Variants in SLC9A7 observed in about 807,000 individuals in gnomAD.
The protein encoded by SLC9A7 is sodium/hydrogen exchanger 7.
A neutral mutation model predicts 52.6 loss-of-function variants in SLC9A7; 19 were observed. The observed-to-expected ratio is 0.36, with a 90% CI of 0.25 to 0.53. SLC9A7 has a LOEUF of 0.53. SLC9A7 is among the 20% of genes least tolerant of loss of function. The probability of loss-of-function intolerance (pLI) is 0.91; values close to 1 mark genes in which losing one functional copy is unlikely to be tolerated. For synonymous variants in SLC9A7, 226 were observed against 252.1 expected (o/e 0.90, Z 0.98); for missense variants, 455 against 597.9 (o/e 0.76, Z 2.49).
Position 46,720,448 on chromosome X carries a change from C to T in SLC9A7, c.326-37913G>A, listed in dbSNP as rs756423294. ...CTGCAGTCGTTTCTTAACTATCCCC[C>T]CTGCTTCTCCCCTGATTCCCCAATC... On this transcript the variant is annotated intron_variant, in intron 1 of 16. Transcript: ENST00000616978. 1.7e-4 allele frequency among the ~76,000 whole-genome samples: 19 copies of T among 110,649 alleles called. No individual in the cohort carries two copies. In the East Asian group the frequency reaches 5.4e-3, roughly 31 times the overall value.
chrX:46,688,849 T>TA (rs997342459), intron 1 of SLC9A7, among the ~76,000 whole-genome samples: 48 of 106,079 alleles, frequency 4.5e-4, no homozygotes, highest in African/African-American at 5.4e-4. Flanking sequence ...TATTGAATGG[T>TA]AAAAAAAAAA....
At chrX:46,751,282 G>A (rs1294352221) in intron 1 of SLC9A7, among the ~76,000 whole-genome samples, 2 of 110,766 alleles carry the variant, frequency 1.8e-5, no homozygotes, top group East Asian at 2.8e-4. Flanking sequence ...CCTTGCACTG[G>A]TCCATTACAT....
intron 1 of SLC9A7, among the ~76,000 whole-genome samples, chrX:46,756,311 A>AT (rs1413467551): frequency 2.7e-5 from 3 of 111,647 alleles, no homozygotes; most frequent in African/African-American, 9.8e-5. Context: ...GAGAAATCAA[A>AT]TTTTATTTTT....
chrX:46,667,424 A>G (rs1277606661), intron 5 of SLC9A7, among the ~76,000 whole-genome samples: 1 of 111,364 alleles, frequency 9.0e-6, no homozygotes, highest in Non-Finnish European at 1.9e-5. Context: ...GAACCACACA[A>G]CTGTCTAGAG....
chrX:46,656,204 C>T (rs2146794675), intron 7 of SLC9A7, among the ~76,000 whole-genome samples: 1 of 111,451 alleles, frequency 9.0e-6, no homozygotes, highest in East Asian at 2.8e-4. Context: ...AGGACATCCA[C>T]ACCAAAAACC....
intron 15 of SLC9A7, among the ~76,000 whole-genome samples, 190 bp from the exon 16 acceptor site, chrX:46,613,584 T>C (rs1368306294): frequency 8.9e-6 from 1 of 112,383 alleles, no homozygotes; most frequent in Non-Finnish European, 1.9e-5. Context: ...CAGCCTTAAA[T>C]AGTAACTGTT....
At chrX:46,618,083 G>A (rs1228851828) in intron 15 of SLC9A7, among the ~76,000 whole-genome samples, 1 of 111,449 alleles carries the variant, frequency 9.0e-6, no homozygotes, top group Non-Finnish European at 1.9e-5. Flanking sequence ...CCAAAGAGGT[G>A]AGCCCTGTGG....
chrX:46,714,717 T>C (rs1030897625), intron 1 of SLC9A7, among the ~76,000 whole-genome samples: 2 of 112,167 alleles, frequency 1.8e-5, no homozygotes, highest in African/African-American at 6.5e-5. Flanking sequence ...TTTCTGGACT[T>C]CGTTATATTT....
intron 1 of SLC9A7, among the ~76,000 whole-genome samples, chrX:46,738,091 GAAAGAAAGAAAGAAAGAGA>G (rs1569525275): frequency 1.1e-3 from 67 of 62,579 alleles, no homozygotes; most frequent in African/African-American, 2.8e-3. Context: ...AAGAAAGAAA[GAAAGAAAGAAAGAAAGAGA>G]AAAGAAAAGA....
At chrX:46,612,410 G>C (rs771426039) in intron 16 of SLC9A7, among the ~76,000 whole-genome samples, 18 of 111,423 alleles carry the variant, frequency 1.6e-4, no homozygotes, top group African/African-American at 5.5e-4. Flanking sequence ...GCAGGAGTCA[G>C]CCCTAAATCT....
At chrX:46,662,719 C>G (rs1943845522) in intron 5 of SLC9A7, 76 bp from the exon 6 acceptor site, 2 of 723,260 alleles carry the variant, frequency 2.8e-6, no homozygotes, top group Admixed American at 5.0e-5. Context: ...TTTATAGAGG[C>G]AATTCCTATC....
chrX:46,688,946 C>T (rs972136995), intron 1 of SLC9A7, among the ~76,000 whole-genome samples: 11 of 110,162 alleles, frequency 1.0e-4, no homozygotes, highest in African/African-American at 3.3e-4. Flanking sequence ...CTATATTTTT[C>T]CTTTCTTTTT....
intron 3 of SLC9A7, among the ~76,000 whole-genome samples, chrX:46,673,539 C>T (rs889290084): frequency 8.9e-6 from 1 of 111,941 alleles, no homozygotes; most frequent in Non-Finnish European, 1.9e-5. Flanking sequence ...ATTTGACAAT[C>T]AGAACTATTT....
In SLC9A7 at chrX:46,682,243, G is replaced by T. The variant is rs1569516927; in HGVS notation, c.525+93C>A. The T allele has an allele frequency of 5.8e-6, 5 of 857,422 alleles. No homozygotes were observed. The East Asian group carries it at 1.6e-4, about 27-fold the overall frequency. The allele number at this position is 857,422 out of a possible 1,213,427, so 70.7% of individuals were successfully genotyped here. On this transcript the variant is annotated intron_variant, in intron 2 of 16. Coordinates refer to ENST00000616978, the MANE Select transcript of SLC9A7 (RefSeq NM_001257291.2). The stretch of plus-strand genomic sequence containing the variant: ...AGCCAGGAATGTTACGGATAATCCA[G>T]GAGTTTGGAAGGATTTCTCTCCACA...
chrX:46,678,452 T>TTTATTTATTTA (rs1569516206), intron 3 of SLC9A7, among the ~76,000 whole-genome samples: 1 of 4,901 alleles, frequency 2.0e-4, no homozygotes, highest in Non-Finnish European at 6.1e-4. Context: ...TTATTTATTT[T>TTTATTTATTTA]TAGAGACCGG....
rs1556095190 is a variant in SLC9A7 at position 46,654,962 on chromosome X, T to TTTTCTTTC, written c.1042-1256_1042-1249dup. On this transcript the variant is annotated intron_variant, in intron 7 of 16. Coordinates refer to ENST00000616978, the MANE Select transcript of SLC9A7 (RefSeq NM_001257291.2). ...AGCAACACACACACTGTATTTCTTTTTTTCTTTCTTTCTTTCTTTCTTTTT... is the reference window on the plus strand; with the variant it reads ...AGCAACACACACACTGTATTTCTTTTTTTCTTTCTTTCTTTCTTTCTTTCTTTCTTTTT... Among the ~76,000 whole-genome samples, 37 of 100,683 alleles carry TTTTCTTTC rather than the reference T, an allele frequency of 3.7e-4. 1 individual carries two copies. The highest frequency in any genetic ancestry group is 2.4e-3 in the East Asian group (8 of 3,339). The allele number at this position is 100,683 out of a possible 115,157, so 87.4% of individuals were successfully genotyped here. A position where few individuals can be genotyped will look rare whatever the true frequency, so the allele number is the denominator to read the frequency against.
At chrX:46,669,876 T>A (rs1404070442) in intron 4 of SLC9A7, among the ~76,000 whole-genome samples, 157 bp from the exon 5 acceptor site, 1 of 112,452 alleles carries the variant, frequency 8.9e-6, no homozygotes, top group East Asian at 2.8e-4. Flanking sequence ...CCAGCAGGAC[T>A]TTGGCATCAA....
chrX:46,730,286 G>GA lies in SLC9A7; in HGVS notation c.325+28418dup, dbSNP rs201077020. ...TATCCTGAAAATGAGAGTTAAAAAT[G>GA]AAAAAAAAATGGAGCTAAGCAAAAT... On this transcript the variant is annotated intron_variant, in intron 1 of 16. Coordinates refer to ENST00000616978, the MANE Select transcript of SLC9A7 (RefSeq NM_001257291.2). 7.6e-3 allele frequency among the ~76,000 whole-genome samples: 792 copies of GA among 104,871 alleles called. 5 individuals carry two copies. The highest frequency in any genetic ancestry group is 0.025 in the African/African-American group (735 of 28,947). 91.1% of individuals were successfully genotyped at this position (104,871 alleles called of 115,157 possible). A position where few individuals can be genotyped will look rare whatever the true frequency, so the allele number is the denominator to read the frequency against.
At chrX:46,738,872 C>T (rs1921096505) in intron 1 of SLC9A7, among the ~76,000 whole-genome samples, 1 of 111,055 alleles carries the variant, frequency 9.0e-6, no homozygotes, top group African/African-American at 3.3e-5. Context: ...TCATCAAAAA[C>T]GGTCCTGGAG....
Sources: allele counts gnomAD v4.1 joint callset (sites outside exome capture counted in the v4.1 genomes callset), GRCh38; gene constraint gnomAD v4.1.1; transcripts MANE v1.5; gene names NCBI Gene and HGNC (gene_info 2026-07-23, HGNC 2026-07-21).